Variants in KCNMB2 observed in about 807,000 individuals in gnomAD.
KCNMB2 encodes the protein calcium-activated potassium channel subunit beta-2.
In KCNMB2, 9 loss-of-function variants were observed where a neutral mutation model predicts 24.5. That is an observed-to-expected ratio of 0.37 (90% confidence interval 0.22 to 0.64). The LOEUF is 0.64. KCNMB2 is among the 30% of genes least tolerant of loss of function. KCNMB2 has a pLI of 0.63. For missense variants in KCNMB2, 226 were observed against 284.3 expected (o/e 0.79, Z 1.47); for synonymous variants, 109 against 104.4 (o/e 1.04, Z -0.27).
intron 4 of KCNMB2, among the ~76,000 whole-genome samples, chr3:178,834,019 G>A (rs1244966755): frequency 1.3e-5 from 2 of 152,112 alleles, no homozygotes; most frequent in Non-Finnish European, 2.9e-5. Flanking sequence ...TCTCCTTCAG[G>A]AGTTTAAAAC....
chr3:178,561,545 T>C (rs1347981157), intron 1 of KCNMB2, among the ~76,000 whole-genome samples: 1 of 152,146 alleles, frequency 6.6e-6, no homozygotes, highest in African/African-American at 2.4e-5. Flanking sequence ...TAGGGGAGGA[T>C]CAGATGAGAT....
intron 1 of KCNMB2, among the ~76,000 whole-genome samples, chr3:178,782,863 G>C (rs1379122089): frequency 1.3e-5 from 2 of 151,706 alleles, no homozygotes; most frequent in African/African-American, 2.4e-5. Context: ...GGAAGTCCTT[G>C]CCCATGCCTA....
chr3:178,678,354 T>C lies in KCNMB2; in HGVS notation c.-67-128989T>C, dbSNP rs1421715354. ...ATCCCATTTATAATTTGGAATCTTA[T>C]TGCCACAAAGAGCCCATTCCCTCTT... On this transcript the variant is annotated intron_variant, in intron 1 of 4. Transcript: ENST00000452583. Among the ~76,000 whole-genome samples, 5 of 152,234 alleles carry C rather than the reference T, an allele frequency of 3.3e-5. No homozygotes were observed. In the East Asian group the frequency reaches 9.6e-4, roughly 29 times the overall value.
At chr3:178,602,621 C>A (rs981424808) in intron 1 of KCNMB2, among the ~76,000 whole-genome samples, 2 of 151,716 alleles carry the variant, frequency 1.3e-5, no homozygotes, top group African/African-American at 4.8e-5. Flanking sequence ...CAAGGAGGAG[C>A]CAGCCAGGTG....
intron 1 of KCNMB2, among the ~76,000 whole-genome samples, chr3:178,648,141 A>G (rs945253217): frequency 6.6e-6 from 1 of 152,196 alleles, no homozygotes; most frequent in Non-Finnish European, 1.5e-5. Context: ...AGGTATCTAC[A>G]CTAAAGAATT....
intron 1 of KCNMB2, among the ~76,000 whole-genome samples, chr3:178,560,837 T>G (rs1716291682): frequency 6.6e-6 from 1 of 152,254 alleles, no homozygotes; most frequent in Admixed American, 6.5e-5. Context: ...AAGGCTTGAC[T>G]ACAGTTGCTT....
chr3:178,752,644 G>A (rs1173623224), intron 1 of KCNMB2, among the ~76,000 whole-genome samples: 1 of 152,192 alleles, frequency 6.6e-6, no homozygotes, highest in Non-Finnish European at 1.5e-5. Flanking sequence ...CATACCCTGA[G>A]AGGCCAGTTA....
chr3:178,805,440 C>CACAG (rs144881999), intron 1 of KCNMB2, among the ~76,000 whole-genome samples: 3,984 of 152,230 alleles, frequency 0.026, 182 homozygotes, highest in African/African-American at 0.09. Context: ...CTCAAGGTCA[C>CACAG]ACAGCTAGTT....
intron 1 of KCNMB2, among the ~76,000 whole-genome samples, chr3:178,715,806 G>A (rs1282377443): frequency 2.6e-5 from 4 of 152,170 alleles, no homozygotes; most frequent in Admixed American, 1.3e-4. Context: ...CCTTGGCTTA[G>A]TGAGCTTCCC....
intron 1 of KCNMB2, among the ~76,000 whole-genome samples, chr3:178,763,515 T>G (rs1195117836): frequency 1.3e-5 from 2 of 152,002 alleles, no homozygotes; most frequent in East Asian, 3.9e-4. Context: ...GCTGGGAGAT[T>G]CAGTAAGCTC....
At chr3:178,600,905 C>T (rs1718058012) in intron 1 of KCNMB2, among the ~76,000 whole-genome samples, 1 of 152,162 alleles carries the variant, frequency 6.6e-6, no homozygotes, top group Admixed American at 6.5e-5. Context: ...AACTAATTTA[C>T]ACTCCAACAG....
intron 1 of KCNMB2, among the ~76,000 whole-genome samples, chr3:178,633,537 G>T (rs899079628): frequency 6.6e-6 from 1 of 152,210 alleles, no homozygotes; most frequent in Non-Finnish European, 1.5e-5. Flanking sequence ...AGCCAAGGCT[G>T]GAGGGGCTGG....
intron 1 of KCNMB2, among the ~76,000 whole-genome samples, chr3:178,652,234 C>A (rs1289121319): frequency 6.6e-6 from 1 of 151,932 alleles, no homozygotes; most frequent in Non-Finnish European, 1.5e-5. Context: ...ATGAAAAAAA[C>A]AAACAACCCC....
intron 1 of KCNMB2, among the ~76,000 whole-genome samples, chr3:178,664,319 T>C (rs1038643605): frequency 1.3e-5 from 2 of 152,092 alleles, no homozygotes; most frequent in African/African-American, 2.4e-5. Context: ...GAGGGAAAGA[T>C]AGGTTGGAGA....
Position 178,749,889 on chromosome 3 carries a change from C to T in KCNMB2, c.-67-57454C>T, listed in dbSNP as rs372677268. Among the ~76,000 whole-genome samples the T allele has an allele frequency of 3.5e-4, 53 of 152,300 alleles. 1 individual carries two copies. The South Asian group carries it at 0.011, about 31-fold the overall frequency. On this transcript the variant is annotated intron_variant, in intron 1 of 4. Coordinates refer to ENST00000452583, the MANE Select transcript of KCNMB2 (RefSeq NM_181361.3). ...CCTCTGGGAAAGCTGATTTAATTTACCACTCAGTATTTTCTTCTGCTCTTA... is the reference window on the plus strand; with the variant it reads ...CCTCTGGGAAAGCTGATTTAATTTATCACTCAGTATTTTCTTCTGCTCTTA...
chr3:178,774,942 G>C (rs1712519956), intron 1 of KCNMB2, among the ~76,000 whole-genome samples: 1 of 152,260 alleles, frequency 6.6e-6, no homozygotes, highest in East Asian at 1.9e-4. Flanking sequence ...GCTCTTCTGT[G>C]AGGTTGCAAA....
intron 1 of KCNMB2, among the ~76,000 whole-genome samples, chr3:178,579,162 A>G (rs902746331): frequency 1.3e-5 from 2 of 151,924 alleles, no homozygotes; most frequent in African/African-American, 4.8e-5. Flanking sequence ...AACAGAAATC[A>G]TAACAGTCTC....
chr3:178,684,955 G>T lies in KCNMB2; in HGVS notation c.-67-122388G>T, dbSNP rs73045959. On this transcript the variant is annotated intron_variant, in intron 1 of 4. Coordinates refer to ENST00000452583, the MANE Select transcript of KCNMB2 (RefSeq NM_181361.3). ...ACAGTAAAATTTATTTTAAAAGCAC[G>T]CATCTGTGAAGTTTTCCCTTTCTTA... 1.7e-3 allele frequency among the ~76,000 whole-genome samples: 254 copies of T among 152,198 alleles called. 1 individual carries two copies. Among genetic ancestry groups the T allele is most frequent in the African/African-American group, 5.8e-3 (241 of 41,536 alleles).
chr3:178,807,531 G>T, intron 2 of KCNMB2, 66 bp downstream of exon 2: 1 of 1,362,740 alleles, frequency 7.3e-7, no homozygotes, highest in South Asian at 1.2e-5. Flanking sequence ...AGAGGATACT[G>T]ACAGGAAAGT....
Sources: allele counts gnomAD v4.1 joint callset (sites outside exome capture counted in the v4.1 genomes callset), GRCh38; gene constraint gnomAD v4.1.1; transcripts MANE v1.5; gene names NCBI Gene and HGNC (gene_info 2026-07-23, HGNC 2026-07-21).